The following SAMD12 variants were observed in gnomAD, a reference collection of about 807,000 sequenced individuals.
SAMD12 encodes sterile alpha motif domain containing 12.
A neutral mutation model predicts 15.0 loss-of-function variants in SAMD12; 9 were observed. That is an observed-to-expected ratio of 0.60 (90% CI 0.36 to 1.05). The LOEUF (loss-of-function observed/expected upper bound fraction) is 1.05. Among genes scored for constraint, SAMD12 ranks in the 50% least tolerant of loss-of-function variants. The pLI, the probability that SAMD12 is intolerant of heterozygous loss-of-function variation, is 0.01. For missense variants in SAMD12, 230 were observed against 234.2 expected (o/e 0.98, Z 0.12); for synonymous variants, 86 against 90.1 (o/e 0.96, Z 0.25).
At chr8:118,164,692 A>T in the SAMD12 span, among the ~76,000 whole-genome samples, 6 of 149,262 alleles carry the variant, frequency 4.0e-5, no homozygotes, top group Non-Finnish European at 4.5e-5. Flanking sequence ...GCTATAGGCA[A>T]TTTTTTTTTT....
intron 3 of SAMD12, among the ~76,000 whole-genome samples, chr8:118,401,485 C>T (rs538787558): frequency 6.6e-6 from 1 of 151,986 alleles, no homozygotes; most frequent in Admixed American, 6.5e-5. Context: ...ATCCTCCTGC[C>T]TGTGCCTCAC....
chr8:118,251,046 G>C (rs573436315), intron 4 of SAMD12, among the ~76,000 whole-genome samples: 1 of 152,172 alleles, frequency 6.6e-6, no homozygotes, highest in South Asian at 2.1e-4. Flanking sequence ...ACTTGCCCAA[G>C]GTTGCACAGC....
intron 3 of SAMD12, among the ~76,000 whole-genome samples, chr8:118,427,942 T>G (rs1207061539): frequency 6.6e-6 from 1 of 152,232 alleles, no homozygotes. Context: ...ACACTGGGTA[T>G]GGCTTGGTAT....
rs575125168 is a variant in SAMD12, at chr8:118,311,782, G to A, written c.433+67778C>T. ...CTCAGCTCTTTATTTTCTCTCCCTGGAAAAGCTACCCTTTCACTTGATTTC... is the reference window on the plus strand; with the variant it reads ...CTCAGCTCTTTATTTTCTCTCCCTGAAAAAGCTACCCTTTCACTTGATTTC... On this transcript the variant is annotated intron_variant, in intron 4 of 4. Coordinates refer to the SAMD12 transcript ENST00000409003. 1.8e-4 allele frequency among the ~76,000 whole-genome samples: 28 copies of A among 152,104 alleles called. No individual in the cohort carries two copies. The South Asian group carries it at 5.6e-3, about 30-fold the overall frequency.
intron 4 of SAMD12, among the ~76,000 whole-genome samples, chr8:118,301,849 T>C (rs944353082): frequency 2.0e-5 from 3 of 152,154 alleles, no homozygotes; most frequent in African/African-American, 7.2e-5. Context: ...CAGAAATTCC[T>C]TACAGGTAGA....
At chr8:118,473,122 G>C (rs1305362888) in intron 2 of SAMD12, among the ~76,000 whole-genome samples, 1 of 152,234 alleles carries the variant, frequency 6.6e-6, no homozygotes. Flanking sequence ...CTCCCTGCCT[G>C]CTTCAAAGCA....
chr8:118,612,812 T>G (rs1828140592), intron 1 of SAMD12, among the ~76,000 whole-genome samples: 1 of 152,214 alleles, frequency 6.6e-6, no homozygotes, highest in South Asian at 2.1e-4. Context: ...ACAACCTAAA[T>G]GTACTTCAAT....
At chr8:118,438,421 T>A (rs11380869) in intron 3 of SAMD12, among the ~76,000 whole-genome samples, 3 of 13,664 alleles carry the variant, frequency 2.2e-4, no homozygotes, top group Non-Finnish European at 4.3e-4. Flanking sequence ...TTAAAAAAAA[T>A]TTTTTTTAAT....
At chr8:118,168,784 T>C in the SAMD12 span, among the ~76,000 whole-genome samples, 1 of 152,038 alleles carries the variant, frequency 6.6e-6, no homozygotes, top group Admixed American at 6.5e-5. Context: ...CTGACTGTAA[T>C]GTCAGAAAAC....
chr8:118,230,252 A>T (rs1190457363), intron 4 of SAMD12, among the ~76,000 whole-genome samples: 1 of 152,164 alleles, frequency 6.6e-6, no homozygotes, highest in Non-Finnish European at 1.5e-5. Flanking sequence ...TTCTTGTCAC[A>T]ATTTTAGATA....
chr8:118,542,331 T>C (rs1012653493), intron 2 of SAMD12, among the ~76,000 whole-genome samples: 1 of 152,246 alleles, frequency 6.6e-6, no homozygotes, highest in Non-Finnish European at 1.5e-5. Flanking sequence ...CCATTAATTT[T>C]CCAAATAGTA....
chr8:118,323,514 C>T (rs1170487680), intron 4 of SAMD12, among the ~76,000 whole-genome samples: 1 of 152,050 alleles, frequency 6.6e-6, no homozygotes. Flanking sequence ...GTAATCCCAG[C>T]ACTTTGGGAG....
At chr8:118,616,207 C>T (rs537325350) in intron 1 of SAMD12, among the ~76,000 whole-genome samples, 1 of 152,216 alleles carries the variant, frequency 6.6e-6, no homozygotes, top group Non-Finnish European at 1.5e-5. Flanking sequence ...ACTTGTCCAT[C>T]GTCTCACTGC....
intron 4 of SAMD12, among the ~76,000 whole-genome samples, chr8:118,361,096 T>A (rs1380723666): frequency 2.0e-5 from 3 of 152,210 alleles, no homozygotes; most frequent in Non-Finnish European, 2.9e-5. Flanking sequence ...TATCTTAACA[T>A]CATTGTTCCC....
intron 2 of SAMD12, among the ~76,000 whole-genome samples, chr8:118,532,800 T>A: frequency 6.6e-6 from 1 of 152,202 alleles, no homozygotes; most frequent in Non-Finnish European, 1.5e-5. Flanking sequence ...TTTATCATTT[T>A]TTATTGCATC....
chr8:118,526,638 C>G (rs1825545608), intron 2 of SAMD12, among the ~76,000 whole-genome samples: 1 of 152,096 alleles, frequency 6.6e-6, no homozygotes, highest in Non-Finnish European at 1.5e-5. Context: ...CAGAAGAGTG[C>G]TGTTCATACC....
At chr8:118,403,427 T>C (rs569892471) in intron 3 of SAMD12, among the ~76,000 whole-genome samples, 42 of 152,292 alleles carry the variant, frequency 2.8e-4, no homozygotes, top group African/African-American at 8.9e-4. Flanking sequence ...TAAGAATCCC[T>C]GGATTTAAAT....
intron 1 of SAMD12, among the ~76,000 whole-genome samples, chr8:118,586,366 A>C (rs1173665386): frequency 2.1e-5 from 3 of 142,020 alleles, no homozygotes; most frequent in African/African-American, 7.9e-5. Flanking sequence ...TTTTTGAGAC[A>C]GTGTTTTGCT....
chr8:118,180,391 T>G, the SAMD12 span, among the ~76,000 whole-genome samples: 2 of 152,126 alleles, frequency 1.3e-5, no homozygotes, highest in African/African-American at 4.8e-5. Flanking sequence ...CAAATATCCA[T>G]GTACACACCA....
Sources: gnomAD v4.1 joint callset for allele counts (sites outside exome capture counted in the v4.1 genomes callset) on GRCh38, gnomAD v4.1.1 for gene constraint, MANE v1.5 for transcripts, NCBI Gene and HGNC (gene_info 2026-07-23, HGNC 2026-07-21) for gene names.